Variants in AGBL4 observed in about 807,000 individuals in gnomAD.
AGBL4 encodes AGBL carboxypeptidase 4.
In AGBL4, 58 loss-of-function variants were observed where a neutral mutation model predicts 66.4. The ratio of observed to expected loss-of-function variants is 0.87; its 90% CI spans 0.71 to 1.09. AGBL4 has a LOEUF of 1.09. Ranked by LOEUF, AGBL4 falls within the 50% of genes least tolerant of loss-of-function variation. The probability of loss-of-function intolerance (pLI) is 0.00; values close to 1 mark genes in which losing one functional copy is unlikely to be tolerated. For missense variants in AGBL4, 579 were observed against 631.0 expected, an observed-to-expected ratio of 0.92 and a Z score of 0.88; for synonymous variants, 234 against 222.9, an observed-to-expected ratio of 1.05 and a Z score of -0.44.
chr1:49,064,288 CCTT>C (rs896505027), intron 4 of AGBL4, among the ~76,000 whole-genome samples: 90 of 152,296 alleles, frequency 5.9e-4, no homozygotes, highest in African/African-American at 2.1e-3. Flanking sequence ...TTAAATGACT[CCTT>C]CTCTGTTGGG....
chr1:49,849,484 C>CAT (rs1309376089), intron 2 of AGBL4, among the ~76,000 whole-genome samples: 2 of 144,242 alleles, frequency 1.4e-5, no homozygotes, highest in East Asian at 4.2e-4. Flanking sequence ...TACATACACA[C>CAT]ACACACACAC....
chr1:48,759,099 C>A, intron 6 of AGBL4: 1 of 1,611,874 alleles, frequency 6.2e-7, no homozygotes, highest in Non-Finnish European at 8.5e-7. Context: ...GCTCCTCATA[C>A]AGAGCCCGGG....
At chr1:49,381,260 G>C (rs1644601337) in intron 3 of AGBL4, among the ~76,000 whole-genome samples, 1 of 152,120 alleles carries the variant, frequency 6.6e-6, no homozygotes, top group Admixed American at 6.6e-5. Context: ...CACCATCACT[G>C]GCCATCAGAG....
intron 2 of AGBL4, chr1:49,845,782 G>C (rs4926833): frequency 3.8e-6 from 6 of 1,560,130 alleles, no homozygotes; most frequent in Non-Finnish European, 5.3e-6. Flanking sequence ...CTTCAGCCAC[G>C]GCTCCTCACT....
chr1:48,795,456 A>C (rs1462614369), intron 6 of AGBL4, among the ~76,000 whole-genome samples: 1 of 151,020 alleles, frequency 6.6e-6, no homozygotes, highest in Non-Finnish European at 1.5e-5. Flanking sequence ...TTATTTTTAG[A>C]TAATTAGAGA....
intron 5 of AGBL4, among the ~76,000 whole-genome samples, chr1:48,980,287 A>C (rs915731539): frequency 1.3e-5 from 2 of 152,178 alleles, no homozygotes; most frequent in East Asian, 1.9e-4. Flanking sequence ...CTGTGAGAGC[A>C]TTTAGTACAG....
intron 3 of AGBL4, among the ~76,000 whole-genome samples, chr1:49,336,525 CA>C (rs1323141800): frequency 6.6e-6 from 1 of 152,214 alleles, no homozygotes; most frequent in Admixed American, 6.5e-5. Context: ...TGAATCATCA[CA>C]AGGCAGCACA....
intron 3 of AGBL4, among the ~76,000 whole-genome samples, chr1:49,321,760 C>A (rs1314198823): frequency 6.6e-6 from 1 of 152,200 alleles, no homozygotes; most frequent in Non-Finnish European, 1.5e-5. Flanking sequence ...ACTTCTATTA[C>A]TCACTATACC....
intron 4 of AGBL4, among the ~76,000 whole-genome samples, chr1:49,165,499 C>T (rs1158782243): frequency 2.6e-5 from 4 of 151,964 alleles, no homozygotes; most frequent in Non-Finnish European, 5.9e-5. Context: ...AAGCTGTTGT[C>T]GGGGATATTC....
chr1:49,019,627 CAA>C (rs563099115), intron 5 of AGBL4, among the ~76,000 whole-genome samples: 243 of 152,260 alleles, frequency 1.6e-3, no homozygotes, highest in Non-Finnish European at 2.9e-3. Context: ...GAGAAAGAAA[CAA>C]AGTCTTCAGG....
rs550728717 is a variant in AGBL4 at position 48,609,368 on chromosome 1, T to C, written c.952-18383A>G. 9.8e-5 allele frequency among the ~76,000 whole-genome samples: 15 copies of C among 152,346 alleles called. No homozygotes were observed. In the South Asian group the frequency reaches 2.7e-3, roughly 27 times the overall value. The stretch of plus-strand genomic sequence containing the variant: ...CTAGCTTTATGTCTTACCACTTTTC[T>C]ATAATGTTTTTCACTCCAGTCATAG... On this transcript the variant is annotated intron_variant, in intron 9 of 13. Coordinates refer to ENST00000371839, the MANE Select transcript of AGBL4 (RefSeq NM_032785.4).
intron 1 of AGBL4, among the ~76,000 whole-genome samples, chr1:49,879,360 T>C (rs1647138987): frequency 6.6e-6 from 1 of 150,828 alleles, no homozygotes; most frequent in Non-Finnish European, 1.5e-5. Context: ...GGCCTGGTGG[T>C]GACAAAATCT....
In AGBL4 at chr1:49,581,006, G is replaced by T. The variant is rs564659712; in HGVS notation, c.282+116307C>A. On this transcript the variant is annotated intron_variant, in intron 3 of 13. Coordinates refer to ENST00000371839, the MANE Select transcript of AGBL4 (RefSeq NM_032785.4). ...CAGAATACTAATATTTTATAAGTTT[G>T]ATTGCTTTATGCAGTCACAAATGTT... Among the ~76,000 whole-genome samples, 11 of 152,056 alleles carry T rather than the reference G, an allele frequency of 7.2e-5. No homozygotes were observed. The South Asian group carries it at 1.7e-3, about 23-fold the overall frequency.
At chr1:49,646,207 G>C (rs72901867) in intron 3 of AGBL4, among the ~76,000 whole-genome samples, 10,717 of 151,806 alleles carry the variant, frequency 0.071, 1,183 homozygotes, top group African/African-American at 0.23. Flanking sequence ...AAAAGGCATG[G>C]AGATTGAAAG....
At chr1:48,560,164 T>C (rs1644376032) in intron 11 of AGBL4, among the ~76,000 whole-genome samples, 2 of 152,176 alleles carry the variant, frequency 1.3e-5, no homozygotes, top group African/African-American at 4.8e-5. Flanking sequence ...TTTACGCAGG[T>C]GTTGCTTTTT....
intron 2 of AGBL4, among the ~76,000 whole-genome samples, chr1:49,736,004 A>C (rs187179540): frequency 1.3e-5 from 2 of 152,276 alleles, no homozygotes; most frequent in Non-Finnish European, 1.5e-5. Context: ...CAGAGAAAAA[A>C]AATGAAAAAA....
chr1:49,345,371 C>T (rs1645616322), intron 3 of AGBL4, among the ~76,000 whole-genome samples: 1 of 152,110 alleles, frequency 6.6e-6, no homozygotes, highest in African/African-American at 2.4e-5. Flanking sequence ...CATCCACAGG[C>T]AACTGTTGTC....
intron 9 of AGBL4, among the ~76,000 whole-genome samples, chr1:48,628,255 TA>T (rs1278603932): frequency 1.3e-5 from 2 of 152,196 alleles, no homozygotes; most frequent in African/African-American, 2.4e-5. Flanking sequence ...CAGGTGGATT[TA>T]AATTTTAGAA....
Position 49,613,417 on chromosome 1 carries a change from T to C in AGBL4, c.282+83896A>G, listed in dbSNP as rs1283774596. On this transcript the variant is annotated intron_variant, in intron 3 of 13. Transcript: ENST00000371839. ...CAGGCCATGGACCGGTACCAGGCCA[T>C]TCCCTGTTAGGAACCAGGCCACACA... 2.0e-5 allele frequency among the ~76,000 whole-genome samples: 3 copies of C among 152,146 alleles called. No homozygotes were observed. In the East Asian group the frequency reaches 5.8e-4, roughly 29 times the overall value.
Sources: gnomAD v4.1 joint callset for allele counts (sites outside exome capture counted in the v4.1 genomes callset) on GRCh38, gnomAD v4.1.1 for gene constraint, MANE v1.5 for transcripts, NCBI Gene and HGNC (gene_info 2026-07-23, HGNC 2026-07-21) for gene names.